Variants in CPM observed in about 807,000 individuals in gnomAD.
The protein encoded by CPM is carboxypeptidase M.
In CPM, 35 loss-of-function variants were observed where a neutral mutation model predicts 46.4. The observed-to-expected ratio is 0.75, with a 90% CI of 0.58 to 1.00. The LOEUF (loss-of-function observed/expected upper bound fraction) is 1.00. Ranked by LOEUF, CPM falls within the 50% of genes least tolerant of loss-of-function variation. The probability of loss-of-function intolerance (pLI) is 0.00; values close to 1 mark genes in which losing one functional copy is unlikely to be tolerated. For synonymous variants in CPM, 195 were observed against 195.3 expected (o/e 1.00, Z 0.01); for missense variants, 422 against 530.4 (o/e 0.80, Z 2.01).
intron 3 of CPM, among the ~76,000 whole-genome samples, chr12:68,883,933 T>TAAAAAA (rs34696352): frequency 7.3e-6 from 1 of 136,654 alleles, no homozygotes. Context: ...CCATCTCTAC[T>TAAAAAA]AAAAAAAAAA....
chr12:68,929,864 T>C (rs1420485719), intron 2 of CPM, among the ~76,000 whole-genome samples: 1 of 151,954 alleles, frequency 6.6e-6, no homozygotes, highest in Non-Finnish European at 1.5e-5. Flanking sequence ...TAACATGAAA[T>C]GAAAAAACAA....
At chr12:68,866,682 T>C (rs2136226204) in intron 7 of CPM, 2 of 498,988 alleles carry the variant, frequency 4.0e-6, no homozygotes, top group South Asian at 2.9e-5. Flanking sequence ...TAAAGGAACA[T>C]GCATCATGCT....
intron 1 of CPM, among the ~76,000 whole-genome samples, chr12:68,950,451 G>T (rs901717496): frequency 2.6e-5 from 4 of 152,172 alleles, no homozygotes; most frequent in Non-Finnish European, 4.4e-5. Flanking sequence ...TATCAATTTA[G>T]CTAAACTGGA....
At chr12:68,944,729 T>TA (rs397760811) in intron 1 of CPM, among the ~76,000 whole-genome samples, 11 of 148,774 alleles carry the variant, frequency 7.4e-5, no homozygotes, top group Non-Finnish European at 1.3e-4. Context: ...TTTTTTTTTT[T>TA]AAATTACAAT....
At chr12:68,942,378 TA>T (rs1055491144) in intron 1 of CPM, among the ~76,000 whole-genome samples, 3 of 152,076 alleles carry the variant, frequency 2.0e-5, no homozygotes, top group African/African-American at 7.2e-5. Flanking sequence ...AGAAAAGGAC[TA>T]AAAAAATGCT....
At chr12:68,847,147 C>T (rs1394548046), downstream of CPM, 6 of 120,612 alleles carry the variant, frequency 5.0e-5, no homozygotes, top group African/African-American at 7.7e-5. Context: ...ACATATATTA[C>T]ATATATATAT....
rs1019357573 is a variant in CPM at position 68,863,002 on chromosome 12, T to G, written c.940+3894A>C. On this transcript the variant is annotated intron_variant, in intron 7 of 8. Transcript: ENST00000551568. ...TTTCCCTTGGAAATGGATTAGAGCT[T>G]CATGAATGAAAAGTCTTGGCTGGGC... Among the ~76,000 whole-genome samples, 6 of 152,150 alleles carry G rather than the reference T, an allele frequency of 3.9e-5. No individual in the cohort carries two copies. In the East Asian group the frequency reaches 1.2e-3, roughly 29 times the overall value.
intron 5 of CPM, chr12:68,844,238 A>G (rs962834166): frequency 1.4e-5 from 3 of 213,152 alleles, no homozygotes; most frequent in Non-Finnish European, 2.8e-5. Flanking sequence ...AATAGAAATT[A>G]TTTGAATATC....
chr12:68,895,976 C>T (rs531494981), intron 2 of CPM, among the ~76,000 whole-genome samples: 1 of 152,280 alleles, frequency 6.6e-6, no homozygotes, highest in African/African-American at 2.4e-5. Flanking sequence ...TTCAATGACT[C>T]CCCATGGCAT....
chr12:68,958,859 C>A (rs958195479), intron 1 of CPM, among the ~76,000 whole-genome samples: 1 of 152,158 alleles, frequency 6.6e-6, no homozygotes, highest in Non-Finnish European at 1.5e-5. Flanking sequence ...TATAGCCACA[C>A]GTGCCCTGAA....
rs565658162 is a variant in CPM, at chr12:68,851,368, G to T, written c.*5069C>A. ...CGCCTGTAATCCCAGCACTTTGGGA[G>T]GTCCAGGCAGAGGCAGGCAGATCAT... On this transcript the variant is annotated 3_prime_UTR_variant, in exon 9 of 9. Coordinates refer to ENST00000551568, the MANE Select transcript of CPM (RefSeq NM_198320.5). 1 of 152,686 alleles carries T rather than the reference G, an allele frequency of 6.5e-6. No individual in the cohort carries two copies. The highest frequency in any genetic ancestry group is 2.1e-4 in the South Asian group (1 of 4,826). 9.5% of individuals were successfully genotyped at this position (152,686 alleles called of 1,614,324 possible).
At chr12:68,907,357 A>T (rs546230317) in intron 2 of CPM, among the ~76,000 whole-genome samples, 6 of 152,152 alleles carry the variant, frequency 3.9e-5, no homozygotes, top group East Asian at 3.9e-4. Flanking sequence ...CAATGCCACC[A>T]CTGCCTGTGG....
chr12:68,935,658 A>T (rs1888662552), upstream of CPM, among the ~76,000 whole-genome samples: 9 of 151,376 alleles, frequency 5.9e-5, 2 homozygotes, highest in South Asian at 1.9e-3. Context: ...TTAATTGTGC[A>T]GTAGTCACTA....
intron 2 of CPM, chr12:68,914,061 A>G (rs1053174466): frequency 3.8e-5 from 25 of 658,394 alleles, no homozygotes; most frequent in Admixed American, 1.9e-5. Context: ...TATAAATGCT[A>G]TAAACAGGCT....
chr12:68,863,706 T>C (rs1885310030), intron 7 of CPM, among the ~76,000 whole-genome samples: 1 of 152,146 alleles, frequency 6.6e-6, no homozygotes, highest in African/African-American at 2.4e-5. Context: ...GCCTCTACCC[T>C]CTTGGCAAGG....
At chr12:68,894,385 T>C (rs1337915268) in intron 2 of CPM, among the ~76,000 whole-genome samples, 2 of 152,128 alleles carry the variant, frequency 1.3e-5, no homozygotes, top group African/African-American at 4.8e-5. Flanking sequence ...GTTTTCTTGA[T>C]AAATATTGGC....
intron 2 of CPM, among the ~76,000 whole-genome samples, chr12:68,918,444 G>T (rs1245989630): frequency 6.6e-6 from 1 of 152,116 alleles, no homozygotes; most frequent in Non-Finnish European, 1.5e-5. Context: ...AATTTCTAAA[G>T]AAAATGTCTG....
At chr12:68,888,846 G>T (rs531615996) in intron 2 of CPM, among the ~76,000 whole-genome samples, 1 of 152,238 alleles carries the variant, frequency 6.6e-6, no homozygotes, top group African/African-American at 2.4e-5. Flanking sequence ...ACTAGGTTTG[G>T]TTGGAGGATC....
intron 1 of CPM, 148 bp from the exon 2 acceptor site, chr12:68,932,988 T>G: frequency 1.5e-6 from 1 of 664,004 alleles, no homozygotes. Context: ...AGCAACACCT[T>G]CGGGAGTGAG....
Sources: allele counts gnomAD v4.1 joint callset (sites outside exome capture counted in the v4.1 genomes callset), GRCh38; gene constraint gnomAD v4.1.1; transcripts MANE v1.5; gene names NCBI Gene and HGNC (gene_info 2026-07-23, HGNC 2026-07-21).